Variants in YPEL1 observed in about 807,000 individuals in gnomAD.
The protein encoded by YPEL1 is protein yippee-like 1.
YPEL1 carries 7 observed loss-of-function variants against 17.3 expected under a neutral mutation model. That is an observed-to-expected ratio of 0.40 (90% CI 0.23 to 0.76). The LOEUF is 0.76. Ranked by LOEUF, YPEL1 falls within the 30% of genes least tolerant of loss-of-function variation. The pLI, the probability that YPEL1 is intolerant of heterozygous loss-of-function variation, is 0.35. For synonymous variants in YPEL1, 59 were observed against 59.6 expected (o/e 0.99, Z 0.05); for missense variants, 91 against 155.5 (o/e 0.59, Z 2.21).
Position 21,710,877 on chromosome 22 carries a change from TC to T in YPEL1, c.-134del. 1.3e-6 allele frequency: 1 copy of T among 784,330 alleles called. No homozygotes were observed. Among genetic ancestry groups the T allele is most frequent in the Non-Finnish European group, 2.2e-6 (1 of 445,068 alleles). The allele number at this position is 784,330 out of a possible 1,614,324, so 48.6% of individuals were successfully genotyped here. A position where few individuals can be genotyped will look rare whatever the true frequency, so the allele number is the denominator to read the frequency against. ...TTGTCCAGGAGGGCGTGTGGCACTG[TC>T]CACACAGCTGGGACGAGAGAAAAAC... On this transcript the variant is annotated 5_prime_UTR_variant, in exon 2 of 5. An upstream open reading frame in the 5' UTR gains an earlier in-frame stop. Coordinates refer to ENST00000339468, the MANE Select transcript of YPEL1 (RefSeq NM_013313.5).
At position 21,703,790 on chromosome 22, in the gene YPEL1, C is replaced by A; in HGVS notation, c.161+49G>T. ...GGGCACTGTGTAGGTGCCATCCAGG[C>A]CGTCCCAGGGCCCGTGCCGCTCCCC... On this transcript the variant is annotated intron_variant, in intron 3 of 4. Transcript: ENST00000339468. This position sits in a 1 kb window ranked among gnomAD's most constrained non-coding sequence, Gnocchi z 6.1. 1 of 1,594,264 alleles carries A rather than the reference C, an allele frequency of 6.3e-7. No individual in the cohort carries two copies.
intron 1 of YPEL1, among the ~76,000 whole-genome samples, chr22:21,712,587 G>C (rs904325391): frequency 6.6e-6 from 1 of 151,566 alleles, no homozygotes; most frequent in Admixed American, 6.6e-5. Context: ...TTAGCCGGGC[G>C]TGGTGGCGGG....
intron 4 of YPEL1, 124 bp from the exon 5 acceptor site, chr22:21,701,342 G>A (rs1324098082): frequency 3.0e-6 from 2 of 663,628 alleles, no homozygotes; most frequent in African/African-American, 1.8e-5. Flanking sequence ...TCCCTGAGCG[G>A]TGCACTCATC....
At position 21,710,792 on chromosome 22, in the gene YPEL1, C is replaced by CA; in HGVS notation, c.-49_-48insT. ...AGCTCAGGGCTGGTTCTGGAAGAAC[C>CA]GTGGCTCTGCTGGCCTCTCTGACAA... On this transcript the variant is annotated 5_prime_UTR_variant, in exon 2 of 5. An upstream open reading frame in the 5' UTR loses its in-frame stop. Coordinates refer to ENST00000339468, the MANE Select transcript of YPEL1 (RefSeq NM_013313.5). The CA allele has an allele frequency of 6.5e-7, 1 of 1,540,096 alleles. No individual in the cohort carries two copies. The highest frequency in any genetic ancestry group is 9.0e-7 in the Non-Finnish European group (1 of 1,112,986).
At chr22:21,717,961 C>T (rs1008227482) in intron 1 of YPEL1, among the ~76,000 whole-genome samples, 4 of 125,690 alleles carry the variant, frequency 3.2e-5, no homozygotes, top group East Asian at 2.5e-4. Context: ...CCTGTCTCTA[C>T]GCAAAAAAAG....
intron 1 of YPEL1, among the ~76,000 whole-genome samples, chr22:21,727,316 TG>T: frequency 6.6e-6 from 1 of 152,220 alleles, no homozygotes; most frequent in East Asian, 1.9e-4. Context: ...ACTGTTGCAC[TG>T]GGGAACCCAT....
intron 1 of YPEL1, among the ~76,000 whole-genome samples, chr22:21,734,357 G>C (rs2068416932): frequency 6.6e-6 from 1 of 152,218 alleles, no homozygotes; most frequent in African/African-American, 2.4e-5. Flanking sequence ...GTGTAGGATG[G>C]GGTAAGGATA....
intron 1 of YPEL1, among the ~76,000 whole-genome samples, chr22:21,720,165 G>A (rs1490234367): frequency 3.6e-5 from 5 of 137,838 alleles, no homozygotes; most frequent in South Asian, 2.5e-4. Context: ...GTGACAGAGC[G>A]AGACTCTGTA....
In YPEL1 at chr22:21,729,492, TTGGGAGGCTGAGA is replaced by T. The variant is rs368218053; in HGVS notation, c.-165+6110_-165+6122del. ...GGTGTGCACCTGTAGTCCCAGCTAC[TTGGGAGGCTGAGA>T]TGGGAGGATCACTTGAGGCCAGGAG... On this transcript the variant is annotated intron_variant, in intron 1 of 4. Transcript: ENST00000339468. 1.9e-3 allele frequency among the ~76,000 whole-genome samples: 280 copies of T among 151,190 alleles called. 4 individuals carry two copies. Among genetic ancestry groups the T allele is most frequent in the African/African-American group, 6.6e-3 (270 of 41,142 alleles).
intron 1 of YPEL1, among the ~76,000 whole-genome samples, chr22:21,725,804 G>A (rs569543289): frequency 1.3e-5 from 2 of 149,118 alleles, no homozygotes; most frequent in South Asian, 4.3e-4. Flanking sequence ...ACCAGCCCAG[G>A]CAAGATAGTG....
At chr22:21,723,391 TCTCA>T (rs2068302336) in intron 1 of YPEL1, among the ~76,000 whole-genome samples, 1 of 143,452 alleles carries the variant, frequency 7.0e-6, no homozygotes, top group South Asian at 2.2e-4. Flanking sequence ...TGAAACAGAG[TCTCA>T]CTCACTCTGT....
chr22:21,733,395 G>A (rs887830798), intron 1 of YPEL1, among the ~76,000 whole-genome samples: 4 of 151,814 alleles, frequency 2.6e-5, no homozygotes, highest in African/African-American at 4.8e-5. Flanking sequence ...CAGCCTGGGT[G>A]AGACAGAGCG....
chr22:21,717,165 CAG>C (rs764987068), intron 1 of YPEL1, among the ~76,000 whole-genome samples: 3 of 151,826 alleles, frequency 2.0e-5, no homozygotes, highest in Admixed American at 6.6e-5. Context: ...ATCACAAGGT[CAG>C]GAGTTCGAGA....
chr22:21,702,356 T>G (rs533061127), intron 4 of YPEL1, among the ~76,000 whole-genome samples: 150 of 152,292 alleles, frequency 9.8e-4, no homozygotes, highest in African/African-American at 3.0e-3. Flanking sequence ...CGTGCTAGTC[T>G]TGTGGAGCCC....
chr22:21,720,283 C>A (rs1208344313), intron 1 of YPEL1, among the ~76,000 whole-genome samples: 2 of 151,750 alleles, frequency 1.3e-5, no homozygotes, highest in Admixed American at 6.6e-5. Context: ...CAGCTCACTG[C>A]AGCCTTGACC....
chr22:21,718,190 G>A (rs2068246720), intron 1 of YPEL1, among the ~76,000 whole-genome samples: 1 of 150,868 alleles, frequency 6.6e-6, no homozygotes, highest in South Asian at 2.1e-4. Context: ...GAGTCTGGGT[G>A]CAGTGGCTCA....
Position 21,697,552 on chromosome 22 carries a change from C to G in YPEL1, c.*3577G>C, listed in dbSNP as rs771204426. On this transcript the variant is annotated 3_prime_UTR_variant, in exon 5 of 5. Transcript: ENST00000339468. ...AGGGCACGATTTAAACATTTGACAT[C>G]AGAAGCTTTATTTGTAAACCTCACA... is the stretch of plus-strand genomic sequence containing the variant. 6.4e-6 allele frequency: 1 copy of G among 155,840 alleles called. No individual in the cohort carries two copies. The highest frequency in any genetic ancestry group is 1.4e-5 in the Non-Finnish European group (1 of 70,394). The allele number at this position is 155,840 out of a possible 1,614,324, so 9.7% of individuals were successfully genotyped here.
At position 21,710,379 on chromosome 22, in the gene YPEL1, G is replaced by A. The variant is rs928057050; in HGVS notation, c.117+249C>T. ...TAACAAGTGATTCACCTTGCCCCTC[G>A]TAATCCCTGGGAGTGCCAGCTGCCT... On this transcript the variant is annotated intron_variant, in intron 2 of 4. Transcript: ENST00000339468. 16 of 543,534 alleles carry A rather than the reference G, an allele frequency of 2.9e-5. 1 individual carries two copies. The highest frequency in any genetic ancestry group is 1.7e-4 in the African/African-American group (9 of 52,748). 33.7% of individuals were successfully genotyped at this position (543,534 alleles called of 1,614,324 possible). A position where few individuals can be genotyped will look rare whatever the true frequency, so the allele number is the denominator to read the frequency against.
At position 21,730,081 on chromosome 22, in the gene YPEL1, G is replaced by A. The variant is rs143767537; in HGVS notation, c.-165+5534C>T. On this transcript the variant is annotated intron_variant, in intron 1 of 4. Transcript: ENST00000339468. ...GCGGGAGAACTGCTTGAACCCGGGA[G>A]GCAGAGGTTGTGGTGAGCCAAGATT... 1.8e-3 allele frequency among the ~76,000 whole-genome samples: 278 copies of A among 152,056 alleles called. 4 individuals carry two copies. The highest frequency in any genetic ancestry group is 6.5e-3 in the African/African-American group (268 of 41,470).
Sources: allele counts gnomAD v4.1 joint callset (sites outside exome capture counted in the v4.1 genomes callset), GRCh38; gene constraint gnomAD v4.1.1; non-coding constraint Gnocchi (gnomAD v3.1); transcripts MANE v1.5; gene names NCBI Gene and HGNC (gene_info 2026-07-23, HGNC 2026-07-21).